Variants in USP25 observed in about 807,000 individuals in gnomAD.
USP25 encodes ubiquitin specific peptidase 25, also known as ubiquitin carboxyl-terminal hydrolase 25.
In USP25, 85 loss-of-function variants were observed where a neutral mutation model predicts 158.5. The observed-to-expected ratio is 0.54, with a 90% CI of 0.45 to 0.64. The LOEUF (loss-of-function observed/expected upper bound fraction) is 0.64, where lower values mean the gene tolerates loss of function less well. USP25 is among the 30% of genes least tolerant of loss of function. USP25 has a pLI of 0.00. For missense variants in USP25, 1,242 were observed against 1,327.3 expected (o/e 0.94, Z 1.00); for synonymous variants, 464 against 460.4 (o/e 1.01, Z -0.10).
At chr21:15,853,613 T>G (rs1261271304) in intron 20 of USP25, among the ~76,000 whole-genome samples, 3 of 152,202 alleles carry the variant, frequency 2.0e-5, no homozygotes, top group African/African-American at 4.8e-5. Flanking sequence ...CTTAAAATAC[T>G]TTTCTTAGTA....
At chr21:15,876,363 A>G (rs1156501999) in intron 24 of USP25, 2 of 152,234 alleles carry the variant, frequency 1.3e-5, no homozygotes, top group Non-Finnish European at 2.9e-5. Context: ...AGATTTAGCT[A>G]ATCTGTTCAC....
At chr21:15,832,815 G>A (rs562206302) in intron 16 of USP25, among the ~76,000 whole-genome samples, 7 of 152,028 alleles carry the variant, frequency 4.6e-5, no homozygotes, top group Admixed American at 6.6e-5. Flanking sequence ...TCAGGAGATC[G>A]AGACCATCCT....
chr21:15,805,028 A>C (rs2036310913), intron 6 of USP25, 93 bp from the exon 7 acceptor site: 13 of 1,327,414 alleles, frequency 9.8e-6, no homozygotes, highest in Non-Finnish European at 1.3e-5. Context: ...GGCTAGTTTA[A>C]TTTTTGGTTA....
chr21:15,833,514 G>C lies in USP25; in HGVS notation c.2160G>C (p.Gln720His). 6.2e-7 allele frequency: 1 copy of C among 1,613,978 alleles called. No homozygotes were observed. The highest frequency in any genetic ancestry group is 2.2e-5 in the East Asian group (1 of 44,854). The change falls in exon 17 of 26, where the codon CAG (glutamine) becomes CAC (histidine). Residue 720 changes from glutamine (Q) to histidine (H), a missense_variant. Gln to His is a conservative substitution (Grantham distance 24). Coordinates refer to ENST00000400183, the MANE Select transcript of USP25 (RefSeq NM_001283041.3). ...TGCAGGAAAAGCTTTTAGCGTCTCA[G>C]AAATTGAGAGAGTCAGAGACTTCTG... ...KALQEKLLAS[Q>H]KLRESETSVT...
At chr21:15,864,537 T>C in intron 21 of USP25, 91 bp downstream of exon 21, 6 of 1,165,442 alleles carry the variant, frequency 5.1e-6, no homozygotes, top group Non-Finnish European at 7.1e-6. Flanking sequence ...ATTTATTTTA[T>C]ATATGCATGG....
intron 4 of USP25, among the ~76,000 whole-genome samples, chr21:15,780,374 G>A (rs899498907): frequency 3.9e-5 from 6 of 152,016 alleles, no homozygotes; most frequent in Admixed American, 3.9e-4. Flanking sequence ...GTCAGAATTG[G>A]GTGTATTTAT....
intron 1 of USP25, among the ~76,000 whole-genome samples, chr21:15,741,686 C>T (rs982036792): frequency 2.0e-5 from 3 of 152,080 alleles, no homozygotes; most frequent in Admixed American, 6.6e-5. Flanking sequence ...CACTCCTACA[C>T]GATAGGAATC....
chr21:15,808,861 T>G lies in USP25; in HGVS notation c.833T>G (p.Phe278Cys). The change falls in exon 8 of 26, where the codon TTC (phenylalanine) becomes TGC (cysteine). Residue 278 changes from phenylalanine (F) to cysteine (C), a missense_variant. Phe to Cys is a radical substitution (Grantham distance 205). Around this residue, in one of 3 missense-constraint regions of USP25, gnomAD observed 627 missense variants for 701.4 expected, o/e 0.89. Transcript: ENST00000400183. ...TTATTAGATTGGTTAGAAGATGCCT[T>G]CCAAATGAAAGCTGAAGAGGAGACG... ...HKLLDWLEDA[F>C]QMKAEEETDE... The G allele has an allele frequency of 3.1e-6, 5 of 1,611,406 alleles. No homozygotes were observed. Among genetic ancestry groups the G allele is most frequent in the Non-Finnish European group, 4.2e-6 (5 of 1,179,312 alleles).
intron 10 of USP25, among the ~76,000 whole-genome samples, chr21:15,820,052 G>A (rs2037154400): frequency 6.6e-6 from 1 of 152,022 alleles, no homozygotes; most frequent in African/African-American, 2.4e-5. Context: ...AGCTGCACAA[G>A]TAATTCTGAT....
intron 5 of USP25, among the ~76,000 whole-genome samples, chr21:15,792,025 A>G (rs2035616371): frequency 6.6e-6 from 1 of 151,808 alleles, no homozygotes; most frequent in African/African-American, 2.4e-5. Context: ...TCTGTGGGTC[A>G]GATCAGATTT....
intron 1 of USP25, among the ~76,000 whole-genome samples, chr21:15,756,104 G>T (rs1024537933): frequency 5.9e-5 from 9 of 152,144 alleles, no homozygotes; most frequent in Non-Finnish European, 1.2e-4. Context: ...AAAAGAATAG[G>T]TGAAAAGTCT....
At chr21:15,747,825 A>G (rs977894099) in intron 1 of USP25, among the ~76,000 whole-genome samples, 5 of 152,220 alleles carry the variant, frequency 3.3e-5, no homozygotes, top group Non-Finnish European at 7.3e-5. Context: ...ACTACGCTTG[A>G]TCATTGGTAA....
intron 3 of USP25, among the ~76,000 whole-genome samples, chr21:15,767,460 T>C (rs2034107191): frequency 6.6e-6 from 1 of 152,034 alleles, no homozygotes; most frequent in Non-Finnish European, 1.5e-5. Context: ...TTTGAAATTA[T>C]TTGCTTGAAC....
intron 21 of USP25, 49 bp from the exon 22 acceptor site, chr21:15,866,217 A>G (rs978619697): frequency 2.6e-6 from 3 of 1,176,298 alleles, no homozygotes; most frequent in African/African-American, 1.6e-5. Context: ...ATATATATAT[A>G]TATACACACA....
chr21:15,738,903 A>T (rs1410057864), intron 1 of USP25, among the ~76,000 whole-genome samples: 2 of 152,112 alleles, frequency 1.3e-5, no homozygotes, highest in Admixed American at 6.5e-5. Flanking sequence ...GTTCAGATCT[A>T]ATTACCGGTG....
At chr21:15,807,323 C>A (rs1306729853) in intron 7 of USP25, among the ~76,000 whole-genome samples, 2 of 152,080 alleles carry the variant, frequency 1.3e-5, no homozygotes, top group African/African-American at 4.8e-5. Context: ...GGATTAACTT[C>A]TGAAAAATAT....
At chr21:15,856,751 G>A (rs781386506) in intron 20 of USP25, among the ~76,000 whole-genome samples, 3 of 152,276 alleles carry the variant, frequency 2.0e-5, no homozygotes, top group Non-Finnish European at 4.4e-5. Flanking sequence ...GAGTACAGGC[G>A]TGAGCCACCG....
intron 24 of USP25, 33 bp from the exon 25 acceptor site, chr21:15,877,763 C>G: frequency 6.7e-7 from 1 of 1,486,224 alleles, no homozygotes; most frequent in Non-Finnish European, 9.1e-7. Context: ...GAAACAAAAA[C>G]CTATTCTTTT....
intron 14 of USP25, among the ~76,000 whole-genome samples, chr21:15,828,339 A>G (rs1395986159): frequency 6.6e-6 from 1 of 152,168 alleles, no homozygotes; most frequent in Admixed American, 6.5e-5. Context: ...TCCTCATGGC[A>G]GGTTGTTTTT....
Sources: gnomAD v4.1 joint callset for allele counts (sites outside exome capture counted in the v4.1 genomes callset) on GRCh38, gnomAD v4.1.1 for gene constraint, gnomAD v4.1.1 regional missense constraint, MANE v1.5 for transcripts, NCBI Gene and HGNC (gene_info 2026-07-23, HGNC 2026-07-21) for gene names.